Variants in FRMD4A observed in about 807,000 individuals in gnomAD.
The protein encoded by FRMD4A is FERM domain-containing protein 4A.
Under a neutral mutation model 129.1 loss-of-function variants are expected in FRMD4A, and 29 were observed. The observed-to-expected ratio is 0.22, with a 90% CI of 0.17 to 0.31. The LOEUF is 0.31. Among genes scored for constraint, FRMD4A ranks in the 10% least tolerant of loss-of-function variants. The probability of loss-of-function intolerance (pLI) is 1.00; values close to 1 mark genes in which losing one functional copy is unlikely to be tolerated. For missense variants in FRMD4A, 1,272 were observed against 1,375.8 expected (o/e 0.92, Z 1.19); for synonymous variants, 634 against 571.6 (o/e 1.11, Z -1.56).
At chr10:13,908,691 G>A (rs533828467) in intron 2 of FRMD4A, among the ~76,000 whole-genome samples, 49 of 152,176 alleles carry the variant, frequency 3.2e-4, no homozygotes, top group African/African-American at 1.1e-3. Flanking sequence ...TCCTCTTCCG[G>A]GAATTCATTC....
At chr10:13,934,107 G>A (rs1289536178) in intron 2 of FRMD4A, among the ~76,000 whole-genome samples, 3 of 152,180 alleles carry the variant, frequency 2.0e-5, no homozygotes, top group African/African-American at 7.2e-5. Context: ...AAATATAGGA[G>A]CTCTATGCCT....
At chr10:14,115,710 T>C (rs1838165422) in intron 2 of FRMD4A, among the ~76,000 whole-genome samples, 1 of 152,166 alleles carries the variant, frequency 6.6e-6, no homozygotes, top group Non-Finnish European at 1.5e-5. Flanking sequence ...CTCCCCGCTC[T>C]CTCTTGCCAT....
At chr10:14,009,396 C>T (rs2095673279) in intron 2 of FRMD4A, among the ~76,000 whole-genome samples, 1 of 151,988 alleles carries the variant, frequency 6.6e-6, no homozygotes, top group South Asian at 2.1e-4. Flanking sequence ...ATGGCCATTT[C>T]CTTTGTAATC....
intron 2 of FRMD4A, among the ~76,000 whole-genome samples, chr10:14,025,374 T>C (rs747243020): frequency 1.2e-4 from 19 of 152,192 alleles, no homozygotes; most frequent in Non-Finnish European, 1.8e-4. Context: ...ATCTTAACTA[T>C]TTTTAAGTGT....
At chr10:13,834,797 A>T (rs1185843250) in intron 3 of FRMD4A, among the ~76,000 whole-genome samples, 1 of 152,140 alleles carries the variant, frequency 6.6e-6, no homozygotes, top group Non-Finnish European at 1.5e-5. Flanking sequence ...GGGTGATTTA[A>T]ATGAGCGAGA....
chr10:13,931,425 C>T (rs919341485), intron 2 of FRMD4A, among the ~76,000 whole-genome samples: 6 of 152,136 alleles, frequency 3.9e-5, no homozygotes, highest in Admixed American at 6.5e-5. Context: ...CTGTGCCCCC[C>T]GAGGACCCTT....
intron 2 of FRMD4A, among the ~76,000 whole-genome samples, chr10:13,969,197 G>T (rs1438372666): frequency 2.0e-5 from 3 of 152,224 alleles, no homozygotes; most frequent in Non-Finnish European, 2.9e-5. Context: ...TCCCAGGTTG[G>T]TGAATTGGTT....
chr10:13,945,124 G>A lies in FRMD4A; in HGVS notation c.46-86212C>T, dbSNP rs111513830. ...GAGGTTGGAAGGCACTAAGCCAGCC[G>A]GACTAGTGCCAAACTTAGAAACAAA... On this transcript the variant is annotated intron_variant, in intron 2 of 24. Coordinates refer to ENST00000357447, the MANE Select transcript of FRMD4A (RefSeq NM_018027.5). 5.1e-3 allele frequency among the ~76,000 whole-genome samples: 779 copies of A among 152,278 alleles called. 5 individuals are homozygous for A. Among genetic ancestry groups the A allele is most frequent in the Middle Eastern group, 0.02 (6 of 294 alleles).
At chr10:13,867,389 T>C (rs1384316563) in intron 2 of FRMD4A, among the ~76,000 whole-genome samples, 1 of 151,540 alleles carries the variant, frequency 6.6e-6, no homozygotes, top group Admixed American at 6.6e-5. Flanking sequence ...GCCTCCCAAG[T>C]AGCTGGGATT....
chr10:13,868,267 T>G (rs1184801712), intron 2 of FRMD4A, among the ~76,000 whole-genome samples: 2 of 152,118 alleles, frequency 1.3e-5, no homozygotes, highest in Non-Finnish European at 2.9e-5. Context: ...ATAACCATTT[T>G]TATTATCATT....
At chr10:14,284,521 C>T (rs990362050) in intron 2 of FRMD4A, among the ~76,000 whole-genome samples, 10 of 152,076 alleles carry the variant, frequency 6.6e-5, no homozygotes, top group Admixed American at 3.9e-4. Context: ...GGCGTGGTGG[C>T]ACACACCTGT....
intron 4 of FRMD4A, among the ~76,000 whole-genome samples, chr10:13,804,427 C>G (rs768327390): frequency 6.6e-6 from 1 of 152,196 alleles, no homozygotes; most frequent in Non-Finnish European, 1.5e-5. Context: ...TTGAAACAAA[C>G]GCGAGGACCT....
At chr10:14,169,671 C>CT (rs1215380552) in intron 2 of FRMD4A, among the ~76,000 whole-genome samples, 1 of 152,146 alleles carries the variant, frequency 6.6e-6, no homozygotes, top group African/African-American at 2.4e-5. Context: ...TCAGAGGCCC[C>CT]TTCAGATTAG....
At chr10:13,904,527 G>A (rs1439902062) in intron 2 of FRMD4A, among the ~76,000 whole-genome samples, 1 of 152,190 alleles carries the variant, frequency 6.6e-6, no homozygotes, top group East Asian at 1.9e-4. Context: ...TCAAAGACAG[G>A]CATCACGGCA....
intron 2 of FRMD4A, among the ~76,000 whole-genome samples, chr10:13,998,764 G>C (rs969691544): frequency 6.6e-6 from 1 of 152,102 alleles, no homozygotes; most frequent in African/African-American, 2.4e-5. Context: ...CACCTCCAGG[G>C]TATCCGCTGG....
chr10:13,948,255 TAG>T (rs1396994118), intron 2 of FRMD4A, among the ~76,000 whole-genome samples: 14 of 151,472 alleles, frequency 9.2e-5, no homozygotes, highest in Non-Finnish European at 1.5e-5. Context: ...GGTACAATCA[TAG>T]CTTAATGCAA....
intron 2 of FRMD4A, among the ~76,000 whole-genome samples, chr10:14,329,159 A>C (rs1191015795): frequency 6.6e-6 from 1 of 152,220 alleles, no homozygotes; most frequent in Non-Finnish European, 1.5e-5. Context: ...CCGAAGACAC[A>C]AATCAATATA....
chr10:13,780,381 C>G (rs1195940561), intron 6 of FRMD4A, among the ~76,000 whole-genome samples: 3 of 151,924 alleles, frequency 2.0e-5, no homozygotes, highest in Non-Finnish European at 4.4e-5. Context: ...TGATATTCCG[C>G]AAGTCCATCT....
intron 2 of FRMD4A, among the ~76,000 whole-genome samples, chr10:14,063,072 A>G (rs138538785): frequency 4.7e-4 from 72 of 152,356 alleles, no homozygotes; most frequent in African/African-American, 1.4e-3. Flanking sequence ...GCTATGACTT[A>G]CGAAACACTT....
Sources: gnomAD v4.1 joint callset for allele counts (sites outside exome capture counted in the v4.1 genomes callset) on GRCh38, gnomAD v4.1.1 for gene constraint, MANE v1.5 for transcripts, NCBI Gene and HGNC (gene_info 2026-07-23, HGNC 2026-07-21) for gene names.